The following HPSE2 variants were observed in gnomAD, a reference collection of about 807,000 sequenced individuals.
HPSE2 encodes heparanase 2 (inactive).
In HPSE2, 38 loss-of-function variants were observed where a neutral mutation model predicts 60.5. That is an observed-to-expected ratio of 0.63 (90% CI 0.48 to 0.82). The LOEUF is 0.82. Ranked by LOEUF, HPSE2 falls within the 40% of genes least tolerant of loss-of-function variation. The probability of loss-of-function intolerance (pLI) is 0.00; values close to 1 mark genes in which losing one functional copy is unlikely to be tolerated. For missense variants in HPSE2, 713 were observed against 740.4 expected (o/e 0.96, Z 0.43); for synonymous variants, 295 against 293.2 (o/e 1.01, Z -0.06).
upstream of HPSE2, among the ~76,000 whole-genome samples, chr10:99,237,361 T>C (rs866102722): frequency 2.6e-5 from 4 of 152,218 alleles, no homozygotes; most frequent in Non-Finnish European, 1.5e-5. Context: ...CAAGGGTTAG[T>C]CTTAAAGCCC....
At chr10:98,511,675 T>C (rs1396880665) in intron 9 of HPSE2, among the ~76,000 whole-genome samples, 1 of 151,848 alleles carries the variant, frequency 6.6e-6, no homozygotes, top group Non-Finnish European at 1.5e-5. Flanking sequence ...TCAGGGCCTG[T>C]ATCTTTGCAT....
chr10:98,542,486 T>C (rs967224244), intron 9 of HPSE2, among the ~76,000 whole-genome samples: 1 of 152,044 alleles, frequency 6.6e-6, no homozygotes, highest in Admixed American at 6.5e-5. Context: ...GAGAATGACT[T>C]TGACGAGCTG....
intron 3 of HPSE2, among the ~76,000 whole-genome samples, chr10:98,832,255 A>T (rs1951700023): frequency 6.6e-6 from 1 of 152,200 alleles, no homozygotes; most frequent in African/African-American, 2.4e-5. Flanking sequence ...AAGTCCTAAG[A>T]CCTAAAGTTT....
intron 9 of HPSE2, among the ~76,000 whole-genome samples, chr10:98,515,146 G>T (rs911394309): frequency 6.6e-6 from 1 of 152,148 alleles, no homozygotes; most frequent in African/African-American, 2.4e-5. Context: ...GACTGAGAGT[G>T]GCTGGAGGTG....
At chr10:99,000,565 C>A (rs1032665169) in intron 3 of HPSE2, among the ~76,000 whole-genome samples, 8 of 152,002 alleles carry the variant, frequency 5.3e-5, no homozygotes, top group Admixed American at 4.6e-4. Context: ...GCATGCAAAT[C>A]AAAGACACTA....
chr10:99,288,748 CAA>C, the HPSE2 span, among the ~76,000 whole-genome samples: 3 of 75,782 alleles, frequency 4.0e-5, no homozygotes, highest in Non-Finnish European at 4.5e-5. Flanking sequence ...CAGCCTCAAG[CAA>C]AAAAAAAAAA....
chr10:98,885,193 C>T (rs1438427823), intron 3 of HPSE2, among the ~76,000 whole-genome samples: 1 of 152,026 alleles, frequency 6.6e-6, no homozygotes. Flanking sequence ...GTAGAAATAA[C>T]AAAAGAACTG....
At position 98,760,861 on chromosome 10, in the gene HPSE2, T is replaced by C. The variant is rs1258546497; in HGVS notation, c.611-16805A>G. On this transcript the variant is annotated intron_variant, in intron 3 of 11. Coordinates refer to ENST00000370552, the MANE Select transcript of HPSE2 (RefSeq NM_021828.5). The stretch of plus-strand genomic sequence containing the variant: ...AAATGGCTTTGAAAGTGTTCCCTCC[T>C]CTTCAATTTTTTGGATGAGTTTGAG... 2.0e-5 allele frequency among the ~76,000 whole-genome samples: 3 copies of C among 152,142 alleles called. No homozygotes were observed. The East Asian group carries it at 5.8e-4, about 29-fold the overall frequency.
At chr10:98,608,894 C>T (rs181865632) in intron 9 of HPSE2, among the ~76,000 whole-genome samples, 88 of 152,098 alleles carry the variant, frequency 5.8e-4, no homozygotes, top group Admixed American at 1.5e-3. Context: ...GTGCCTCCCC[C>T]GCCCTACCAC....
At chr10:99,037,565 C>A (rs1957638346) in intron 3 of HPSE2, among the ~76,000 whole-genome samples, 1 of 151,534 alleles carries the variant, frequency 6.6e-6, no homozygotes, top group Non-Finnish European at 1.5e-5. Context: ...AACAAACTTG[C>A]AAGAATACAT....
intron 3 of HPSE2, among the ~76,000 whole-genome samples, chr10:98,903,520 G>A (rs1953724501): frequency 6.6e-6 from 1 of 152,030 alleles, no homozygotes; most frequent in Admixed American, 6.6e-5. Context: ...TACCTCTTTA[G>A]TGCTAAGATC....
chr10:99,101,607 T>A (rs1420704538), intron 3 of HPSE2, among the ~76,000 whole-genome samples: 24 of 152,176 alleles, frequency 1.6e-4, no homozygotes. Flanking sequence ...TATCCAGGAA[T>A]TGAACTCAAC....
rs371885384 is a variant in HPSE2, at chr10:99,016,484, T to C, written c.610+127754A>G. 5.9e-4 allele frequency among the ~76,000 whole-genome samples: 90 copies of C among 152,318 alleles called. 1 individual carries two copies. The South Asian group carries it at 0.017, about 29-fold the overall frequency. ...GGTAGTCCTTCAGCCTTGTTCTTTC[T>C]GCTTAGGGTTGCCTTGGGTATTCAG... On this transcript the variant is annotated intron_variant, in intron 3 of 11. Transcript: ENST00000370552.
At chr10:98,846,321 C>A (rs1952033567) in intron 3 of HPSE2, among the ~76,000 whole-genome samples, 1 of 152,072 alleles carries the variant, frequency 6.6e-6, no homozygotes, top group South Asian at 2.1e-4. Flanking sequence ...CTTTGAAAAG[C>A]AAAATACTCT....
intron 6 of HPSE2, among the ~76,000 whole-genome samples, chr10:98,665,889 CA>C (rs1410938252): frequency 2.0e-5 from 3 of 152,060 alleles, no homozygotes; most frequent in Admixed American, 1.3e-4. Context: ...ATTTACAAAA[CA>C]AAAAGCTAAT....
rs143714215 is a variant in HPSE2 at position 98,733,213 on chromosome 10, T to C, written c.784+10670A>G. The stretch of plus-strand genomic sequence containing the variant: ...TTGGCTCACTGCAACCTTGAGTTCC[T>C]GGGCTCAAGTGATCCTCCCACCTCA... On this transcript the variant is annotated intron_variant, in intron 4 of 11. Coordinates refer to ENST00000370552, the MANE Select transcript of HPSE2 (RefSeq NM_021828.5). 2.8e-4 allele frequency among the ~76,000 whole-genome samples: 43 copies of C among 152,232 alleles called. No individual in the cohort carries two copies. In the East Asian group the frequency reaches 8.1e-3, roughly 29 times the overall value.
At chr10:99,296,667 C>T in the HPSE2 span, among the ~76,000 whole-genome samples, 1 of 152,330 alleles carries the variant, frequency 6.6e-6, no homozygotes, top group African/African-American at 2.4e-5. Context: ...GGGCTGAGCT[C>T]CACTTTGGGG....
intron 6 of HPSE2, among the ~76,000 whole-genome samples, chr10:98,686,048 T>G (rs1308154714): frequency 6.6e-6 from 1 of 152,206 alleles, no homozygotes; most frequent in Non-Finnish European, 1.5e-5. Context: ...TTCTCATTCT[T>G]TCTCTGTTTC....
intron 3 of HPSE2, among the ~76,000 whole-genome samples, chr10:98,992,302 T>C (rs796830933): frequency 2.2e-4 from 34 of 152,338 alleles, no homozygotes; most frequent in African/African-American, 7.7e-4. Flanking sequence ...TAGTTGTTTT[T>C]TTTCATAGTA....
Sources: allele counts gnomAD v4.1 joint callset (sites outside exome capture counted in the v4.1 genomes callset), GRCh38; gene constraint gnomAD v4.1.1; transcripts MANE v1.5; gene names NCBI Gene and HGNC (gene_info 2026-07-23, HGNC 2026-07-21).